Variants in LMAN1 observed in about 807,000 individuals in gnomAD.
LMAN1 encodes lectin, mannose binding 1, also known as protein ERGIC-53.
A neutral mutation model predicts 67.8 loss-of-function variants in LMAN1; 32 were observed. That is an observed-to-expected ratio of 0.47 (90% CI 0.36 to 0.63). The LOEUF (loss-of-function observed/expected upper bound fraction) is 0.63, where lower values mean the gene tolerates loss of function less well. LMAN1 is among the 30% of genes least tolerant of loss of function. The pLI, the probability that LMAN1 is intolerant of heterozygous loss-of-function variation, is 0.00. For synonymous variants in LMAN1, 235 were observed against 219.3 expected (o/e 1.07, Z -0.63); for missense variants, 632 against 628.2 (o/e 1.01, Z -0.06).
chr18:59,334,454 T>G (rs944817096), intron 10 of LMAN1, among the ~76,000 whole-genome samples: 1 of 152,128 alleles, frequency 6.6e-6, no homozygotes, highest in Non-Finnish European at 1.5e-5. Flanking sequence ...TTTAGCTGAG[T>G]GTCAAAAAAT....
intron 10 of LMAN1, among the ~76,000 whole-genome samples, chr18:59,334,916 A>G (rs1908107393): frequency 6.6e-6 from 1 of 152,116 alleles, no homozygotes. Flanking sequence ...CAGTTTTTAT[A>G]TTAACTTACT....
At chr18:59,331,588 GA>G (rs1568111664) in intron 11 of LMAN1, 49 bp from the exon 12 acceptor site, 1 of 1,592,276 alleles carries the variant, frequency 6.3e-7, no homozygotes, top group Non-Finnish European at 8.6e-7. Flanking sequence ...TAGCAGTTTG[GA>G]AAAAGAAATA....
intron 1 of LMAN1, among the ~76,000 whole-genome samples, chr18:59,357,764 T>C (rs1908692014): frequency 6.6e-6 from 1 of 152,168 alleles, no homozygotes; most frequent in African/African-American, 2.4e-5. Context: ...ATGAAACATT[T>C]TGTTTCAAGA....
intron 5 of LMAN1, among the ~76,000 whole-genome samples, chr18:59,351,821 T>C (rs545894509): frequency 2.6e-5 from 4 of 152,326 alleles, no homozygotes; most frequent in African/African-American, 9.6e-5. Flanking sequence ...GACTTACTGA[T>C]GACTCTAATG....
Position 59,328,497 on chromosome 18 carries a change from A to G in LMAN1, c.*2596T>C, listed in dbSNP as rs1460170628. On this transcript the variant is annotated 3_prime_UTR_variant, in exon 13 of 13. Transcript: ENST00000251047. ...ATTGTAGGTATAAAAGAATCAGTGC[A>G]TATCTGTTAATGTCATTGACAATAA... 6.6e-6 allele frequency: 1 copy of G among 152,232 alleles called. No homozygotes were observed. The highest frequency in any genetic ancestry group is 2.4e-5 in the African/African-American group (1 of 41,470). 9.4% of individuals were successfully genotyped at this position (152,232 alleles called of 1,614,324 possible).
At chr18:59,347,701 C>T in intron 6 of LMAN1, 130 bp from the exon 7 acceptor site, 2 of 709,556 alleles carry the variant, frequency 2.8e-6, no homozygotes, top group Admixed American at 2.7e-5. Context: ...AAAATTAGCA[C>T]TAATTTGGTA....
chr18:59,352,182 C>A (rs1478280510), intron 5 of LMAN1, among the ~76,000 whole-genome samples: 1 of 152,192 alleles, frequency 6.6e-6, no homozygotes, highest in African/African-American at 2.4e-5. Flanking sequence ...AATTTACCTA[C>A]AACTAAACTC....
intron 10 of LMAN1, chr18:59,333,485 G>A (rs1042735000): frequency 1.8e-5 from 8 of 448,858 alleles, no homozygotes; most frequent in African/African-American, 1.6e-4. Flanking sequence ...ATACTACTAG[G>A]TAATCTGTGT....
chr18:59,336,767 C>T (rs139514211), intron 10 of LMAN1, among the ~76,000 whole-genome samples: 192 of 152,008 alleles, frequency 1.3e-3, no homozygotes, highest in African/African-American at 4.5e-3. Flanking sequence ...ACCTGTAGTC[C>T]CAGCTACTCA....
At chr18:59,338,698 C>T in intron 9 of LMAN1, 62 bp downstream of exon 9, 1 of 1,607,046 alleles carries the variant, frequency 6.2e-7, no homozygotes, top group Non-Finnish European at 8.5e-7. Flanking sequence ...AGTTGCCCTT[C>T]TTCTTTACTT....
At chr18:59,346,713 T>C (rs572590865) in intron 7 of LMAN1, among the ~76,000 whole-genome samples, 1 of 150,790 alleles carries the variant, frequency 6.6e-6, no homozygotes, top group Non-Finnish European at 1.5e-5. Context: ...AGAGATGGGG[T>C]TTTGCCATGT....
Position 59,347,580 on chromosome 18 carries a change from T to TAA in LMAN1, c.764-11_764-10dup, listed in dbSNP as rs367567750. On this transcript the variant is annotated splice_polypyrimidine_tract_variant and intron_variant, in intron 6 of 12. Transcript: ENST00000251047. The stretch of plus-strand genomic sequence containing the variant: ...AAGGACATCATGGTCATCTACAAAT[T>TAA]AAAAAAAAAAAAGTCTGAAAAAGTT... 637 of 1,336,916 alleles carry TAA rather than the reference T, an allele frequency of 4.8e-4. No individual in the cohort carries two copies. The highest frequency in any genetic ancestry group is 7.7e-4 in the Middle Eastern group (4 of 5,174). The allele number at this position is 1,336,916 out of a possible 1,614,324, so 82.8% of individuals were successfully genotyped here.
At chr18:59,339,197 A>G (rs1025387177) in intron 8 of LMAN1, among the ~76,000 whole-genome samples, 1 of 152,164 alleles carries the variant, frequency 6.6e-6, no homozygotes, top group Non-Finnish European at 1.5e-5. Context: ...TTTAAAAACA[A>G]TTTTTCTTGG....
intron 1 of LMAN1, among the ~76,000 whole-genome samples, chr18:59,356,998 C>T (rs1465215570): frequency 6.6e-6 from 1 of 151,984 alleles, no homozygotes; most frequent in Non-Finnish European, 1.5e-5. Flanking sequence ...AGGTAAAGGG[C>T]TGTGTTTAAA....
chr18:59,348,903 T>A (rs1030679931), intron 6 of LMAN1, among the ~76,000 whole-genome samples: 3 of 152,252 alleles, frequency 2.0e-5, no homozygotes, highest in Non-Finnish European at 4.4e-5. Flanking sequence ...CACACTTGTA[T>A]ACAGCCCCAG....
chr18:59,336,660 G>A (rs977840797), intron 10 of LMAN1, among the ~76,000 whole-genome samples: 5 of 152,170 alleles, frequency 3.3e-5, no homozygotes, highest in Admixed American at 6.5e-5. Context: ...GAGGCAGGAG[G>A]ACTGCTTGAG....
At chr18:59,352,276 C>G (rs1332195106) in intron 5 of LMAN1, among the ~76,000 whole-genome samples, 1 of 152,086 alleles carries the variant, frequency 6.6e-6, no homozygotes, top group African/African-American at 2.4e-5. Flanking sequence ...GTAAATAGTA[C>G]CAATTAGCTG....
At chr18:59,355,839 TA>T (rs1251594935) in intron 1 of LMAN1, among the ~76,000 whole-genome samples, 181 bp from the exon 2 acceptor site, 1 of 151,934 alleles carries the variant, frequency 6.6e-6, no homozygotes, top group African/African-American at 2.4e-5. Context: ...CCTTATCAAA[TA>T]AAAAAAATTA....
rs553468501 is a variant in LMAN1, at chr18:59,353,072, CTT to C, written c.639+128_639+129del. The C allele has an allele frequency of 1.8e-3, 1,429 of 804,144 alleles. 2 individuals carry two copies. The highest frequency in any genetic ancestry group is 2.6e-3 in the Admixed American group (135 of 51,544). The allele number at this position is 804,144 out of a possible 1,614,324, so 49.8% of individuals were successfully genotyped here. A position where few individuals can be genotyped will look rare whatever the true frequency, so the allele number is the denominator to read the frequency against. On this transcript the variant is annotated intron_variant, in intron 5 of 12. Transcript: ENST00000251047. Reference sequence around the variant, plus strand: ...TGAGCTGTGAAGCCACCTCCGTTCTCTTAGAGTAACAATGAAGAGTATGTAAG... The same window carrying C: ...TGAGCTGTGAAGCCACCTCCGTTCTCAGAGTAACAATGAAGAGTATGTAAG...
Sources: allele counts gnomAD v4.1 joint callset (sites outside exome capture counted in the v4.1 genomes callset), GRCh38; gene constraint gnomAD v4.1.1; transcripts MANE v1.5; gene names NCBI Gene and HGNC (gene_info 2026-07-23, HGNC 2026-07-21).